VPS37A: variants seen among roughly 807,000 people sequenced by gnomAD.
VPS37A encodes VPS37A subunit of ESCRT-I.
A neutral mutation model predicts 49.8 loss-of-function variants in VPS37A; 30 were observed. That is an observed-to-expected ratio of 0.60 (90% CI 0.45 to 0.82). The LOEUF is 0.82. Ranked by LOEUF, VPS37A falls within the 40% of genes least tolerant of loss-of-function variation. VPS37A has a pLI of 0.00. For missense variants in VPS37A, 593 were observed against 464.4 expected (o/e 1.28, Z -2.55); for synonymous variants, 195 against 160.6 (o/e 1.21, Z -1.62).
intron 6 of VPS37A, among the ~76,000 whole-genome samples, chr8:17,277,273 T>C (rs1814599238): frequency 6.6e-6 from 1 of 152,150 alleles, no homozygotes; most frequent in African/African-American, 2.4e-5. Flanking sequence ...AAAATGAATA[T>C]TTACAATATA....
At chr8:17,260,107 T>A (rs1812835647) in intron 1 of VPS37A, among the ~76,000 whole-genome samples, 1 of 152,138 alleles carries the variant, frequency 6.6e-6, no homozygotes, top group South Asian at 2.1e-4. Context: ...TTGTTGATTG[T>A]TTTCTGGTTG....
the VPS37A span, among the ~76,000 whole-genome samples, chr8:17,320,420 G>A: frequency 6.6e-6 from 1 of 151,954 alleles, no homozygotes; most frequent in Non-Finnish European, 1.5e-5. Context: ...TTTTTGTAAG[G>A]TGGCAACAAG....
chr8:17,274,949 T>C lies in VPS37A; in HGVS notation c.633T>C (p.Ala211=). 6.2e-7 allele frequency: 1 copy of C among 1,613,998 alleles called. No individual in the cohort carries two copies. Among genetic ancestry groups the C allele is most frequent in the Non-Finnish European group, 8.5e-7 (1 of 1,179,868 alleles). The change falls in exon 5 of 12, where the codon GCT becomes GCC. Residue 211 remains alanine (A), a synonymous_variant. Transcript: ENST00000324849. ...NLPLPIPTVD[A]SIPTSQNGFG... ...CATTACCCATTCCCACAGTGGATGCTTCAATACCGGTTGGTATCGTCAGTT... is the reference window on the plus strand; with the variant it reads ...CATTACCCATTCCCACAGTGGATGCCTCAATACCGGTTGGTATCGTCAGTT...
chr8:17,287,296 C>T (rs754231721), intron 11 of VPS37A, among the ~76,000 whole-genome samples: 1 of 152,164 alleles, frequency 6.6e-6, no homozygotes, highest in Non-Finnish European at 1.5e-5. Flanking sequence ...AAAACAGCCA[C>T]TCAGTGACCA....
At chr8:17,261,256 A>C (rs111513922) in intron 1 of VPS37A, among the ~76,000 whole-genome samples, 4,067 of 152,246 alleles carry the variant, frequency 0.027, 195 homozygotes, top group African/African-American at 0.093. Context: ...TCTGCCATGG[A>C]GAGCCTCTAA....
At chr8:17,305,766 C>T (rs781567821), downstream of VPS37A, 64 of 1,609,736 alleles carry the variant, frequency 4.0e-5, no homozygotes, top group Non-Finnish European at 4.7e-5. Context: ...CTTGAGTTCT[C>T]GTCTCTCCTT....
intron 7 of VPS37A, 23 bp downstream of exon 7, chr8:17,280,178 G>T (rs3213601): frequency 5.0e-6 from 8 of 1,610,506 alleles, no homozygotes; most frequent in Non-Finnish European, 4.2e-6. Flanking sequence ...TCTCCTGAGC[G>T]CACATTTCCT....
At chr8:17,273,022 C>CTTTT (rs1563263775) in intron 4 of VPS37A, among the ~76,000 whole-genome samples, 4 of 80,168 alleles carry the variant, frequency 5.0e-5, no homozygotes, top group African/African-American at 6.4e-5. Flanking sequence ...TTTTGCCCTT[C>CTTTT]CTTTTTTTTT....
chr8:17,290,658 GCC>G (rs1364778764), intron 11 of VPS37A, among the ~76,000 whole-genome samples: 3 of 152,148 alleles, frequency 2.0e-5, no homozygotes, highest in Non-Finnish European at 4.4e-5. Flanking sequence ...TTGTGTCTTA[GCC>G]AGGTTTTGGT....
chr8:17,315,367 A>G, the VPS37A span, among the ~76,000 whole-genome samples: 5,242 of 152,020 alleles, frequency 0.034, 320 homozygotes, highest in African/African-American at 0.12. Context: ...GGTGGGGCAC[A>G]AGAATGTTTA....
the VPS37A span, among the ~76,000 whole-genome samples, chr8:17,318,537 G>A: frequency 0.013 from 2,001 of 152,206 alleles, 19 homozygotes; most frequent in Non-Finnish European, 0.019. Flanking sequence ...TAGTGTTCCC[G>A]ATGGGTCTGG....
intron 9 of VPS37A, 93 bp from the exon 10 acceptor site, chr8:17,284,380 A>C (rs1815388438): frequency 7.1e-7 from 1 of 1,409,618 alleles, no homozygotes; most frequent in Non-Finnish European, 9.4e-7. Flanking sequence ...CATATAATAA[A>C]TTGCCTCTCC....
At chr8:17,298,624 C>G (rs1382672411), downstream of VPS37A, 2 of 152,230 alleles carry the variant, frequency 1.3e-5, no homozygotes, top group African/African-American at 2.4e-5. Flanking sequence ...AAATATTGAT[C>G]TAAATTGTAA....
At chr8:17,299,879 C>CG, downstream of VPS37A, 2 of 1,614,014 alleles carry the variant, frequency 1.2e-6, no homozygotes, top group Non-Finnish European at 1.7e-6. Context: ...GTGAGAAACA[C>CG]GGCTTCATCA....
rs186814773 is a variant in VPS37A, at chr8:17,267,612, A to G, written c.201-646A>G. ...TCTTGATGACAGCTACATTGTTTCA[A>G]TCCTCCTACTTTACATTTTATCCTC... On this transcript the variant is annotated intron_variant, in intron 2 of 11. Coordinates refer to ENST00000324849, the MANE Select transcript of VPS37A (RefSeq NM_152415.3). 2.8e-3 allele frequency among the ~76,000 whole-genome samples: 429 copies of G among 152,304 alleles called. 9 individuals are homozygous for G. The highest frequency in any genetic ancestry group is 1.2e-3 in the Non-Finnish European group (84 of 68,030).
intron 1 of VPS37A, among the ~76,000 whole-genome samples, chr8:17,261,061 A>G (rs1162610147): frequency 6.6e-6 from 1 of 152,156 alleles, no homozygotes. Flanking sequence ...TAAGCTTTCT[A>G]CCCATTCCTC....
At chr8:17,259,502 G>T (rs895363807) in intron 1 of VPS37A, among the ~76,000 whole-genome samples, 2 of 152,178 alleles carry the variant, frequency 1.3e-5, no homozygotes, top group Non-Finnish European at 2.9e-5. Flanking sequence ...GATATGTTCT[G>T]TTCTGGAGAA....
At chr8:17,269,893 A>T (rs1052877196) in intron 4 of VPS37A, among the ~76,000 whole-genome samples, 1 of 152,212 alleles carries the variant, frequency 6.6e-6, no homozygotes, top group Non-Finnish European at 1.5e-5. Context: ...ACTGGGTAAT[A>T]TATAAAGAAA....
Position 17,256,290 on chromosome 8 carries a change from A to ATTTTTTTTTTTTTTTTTTTT in VPS37A, c.125+8930_125+8949dup, listed in dbSNP as rs529736602. ...AAGTCTTTTTAGCTGGGGTAAAATGATTTTTTTTTTTTTTTTTTTTTTTTT... is the reference window on the plus strand; with the variant it reads ...AAGTCTTTTTAGCTGGGGTAAAATGATTTTTTTTTTTTTTTTTTTTTTTTTTTTTTTTTTTTTTTTTTTTT... On this transcript the variant is annotated intron_variant, in intron 1 of 11. Coordinates refer to ENST00000324849, the MANE Select transcript of VPS37A (RefSeq NM_152415.3). Among the ~76,000 whole-genome samples, 8 of 60,404 alleles carry ATTTTTTTTTTTTTTTTTTTT rather than the reference A, an allele frequency of 1.3e-4. 2 individuals are homozygous for ATTTTTTTTTTTTTTTTTTTT. Among genetic ancestry groups the ATTTTTTTTTTTTTTTTTTTT allele is most frequent in the African/African-American group, 5.1e-4 (7 of 13,740 alleles). 39.6% of individuals were successfully genotyped at this position (60,404 alleles called of 152,430 possible).
Sources: allele counts gnomAD v4.1 joint callset (sites outside exome capture counted in the v4.1 genomes callset), GRCh38; gene constraint gnomAD v4.1.1; transcripts MANE v1.5; gene names NCBI Gene and HGNC (gene_info 2026-07-23, HGNC 2026-07-21).